Variants in SFMBT1 observed in about 807,000 individuals in gnomAD.
The protein encoded by SFMBT1 is Scm like with four mbt domains 1, also known as scm-like with four MBT domains protein 1.
SFMBT1 carries 32 observed loss-of-function variants against 108.7 expected under a neutral mutation model. The observed-to-expected ratio is 0.29, with a 90% CI of 0.22 to 0.40. SFMBT1 has a LOEUF of 0.40. Among genes scored for constraint, SFMBT1 ranks in the 10% least tolerant of loss-of-function variants. SFMBT1 has a pLI of 1.00. For synonymous variants in SFMBT1, 348 were observed against 369.5 expected, an observed-to-expected ratio of 0.94 and a Z score of 0.67; for missense variants, 816 against 1,059.6, an observed-to-expected ratio of 0.77 and a Z score of 3.19.
rs754906047 is a variant in SFMBT1 at position 52,907,365 on chromosome 3, G to A, written c.2086-51C>T. 8 of 1,556,192 alleles carry A rather than the reference G, an allele frequency of 5.1e-6. No individual in the cohort carries two copies. The South Asian group carries it at 9.7e-5, about 19-fold the overall frequency. ...TTGAAATTCAGGACATCAATCCCAG[G>A]TTTCATATGATTAAAAAAAAATAAT... On this transcript the variant is annotated intron_variant, in intron 18 of 20. Coordinates refer to ENST00000394752, the MANE Select transcript of SFMBT1 (RefSeq NM_016329.4).
intron 17 of SFMBT1, among the ~76,000 whole-genome samples, chr3:52,908,598 A>G (rs1477869367): frequency 6.6e-6 from 1 of 151,848 alleles, no homozygotes; most frequent in Non-Finnish European, 1.5e-5. Context: ...TTTTTGAGAC[A>G]GAGTCTGTCA....
chr3:53,003,202 CA>C (rs915621510), intron 1 of SFMBT1, among the ~76,000 whole-genome samples: 2 of 142,724 alleles, frequency 1.4e-5, no homozygotes, highest in Admixed American at 7.2e-5. Context: ...ATTCCAATTT[CA>C]AAAGAAAAAC....
chr3:53,033,026 G>C (rs907674090), intron 1 of SFMBT1, among the ~76,000 whole-genome samples: 1 of 152,128 alleles, frequency 6.6e-6, no homozygotes, highest in Non-Finnish European at 1.5e-5. Flanking sequence ...AGTATTTATG[G>C]GCCAGGTGCA....
intron 1 of SFMBT1, among the ~76,000 whole-genome samples, chr3:53,027,668 G>A (rs188418290): frequency 6.6e-6 from 1 of 152,298 alleles, no homozygotes; most frequent in East Asian, 1.9e-4. Flanking sequence ...GTGCACATGG[G>A]CCAATCAGGC....
intron 1 of SFMBT1, among the ~76,000 whole-genome samples, chr3:52,987,652 G>A (rs1704974068): frequency 6.6e-6 from 1 of 152,146 alleles, no homozygotes; most frequent in African/African-American, 2.4e-5. Flanking sequence ...ATAATTGTGA[G>A]GTATGTCTTA....
intron 14 of SFMBT1, 37 bp from the exon 15 acceptor site, chr3:52,913,654 A>T: frequency 6.2e-7 from 1 of 1,606,432 alleles, no homozygotes; most frequent in Non-Finnish European, 8.5e-7. Flanking sequence ...CAAAACAGTC[A>T]TTCTCTACCC....
At chr3:53,028,686 TA>T (rs199740352) in intron 1 of SFMBT1, among the ~76,000 whole-genome samples, 1 of 151,254 alleles carries the variant, frequency 6.6e-6, no homozygotes, top group African/African-American at 2.4e-5. Context: ...GACCCCATCT[TA>T]AAAAAAAATT....
intron 1 of SFMBT1, among the ~76,000 whole-genome samples, chr3:52,995,142 A>G (rs1698279284): frequency 6.7e-6 from 1 of 149,426 alleles, no homozygotes; most frequent in Admixed American, 6.8e-5. Flanking sequence ...GGAGAGGCAT[A>G]CGATATTCAC....
chr3:53,042,100 T>C (rs1027401357), intron 1 of SFMBT1, among the ~76,000 whole-genome samples: 12 of 152,210 alleles, frequency 7.9e-5, no homozygotes, highest in African/African-American at 2.9e-4. Flanking sequence ...ATGTAAAATG[T>C]CTGCCTAAAT....
chr3:52,905,014 G>A lies in SFMBT1; in HGVS notation c.*122C>T. On this transcript the variant is annotated 3_prime_UTR_variant, in exon 21 of 21. Coordinates refer to ENST00000394752, the MANE Select transcript of SFMBT1 (RefSeq NM_016329.4). The stretch of plus-strand genomic sequence containing the variant: ...AGTCCTCCTTCCCCGAAAGTGCAAA[G>A]AGAGCAAGCTGATACCTGCAGGCCC... 7.4e-7 allele frequency: 1 copy of A among 1,357,566 alleles called. No homozygotes were observed. Among genetic ancestry groups the A allele is most frequent in the Non-Finnish European group, 9.9e-7 (1 of 1,011,216 alleles). The allele number at this position is 1,357,566 out of a possible 1,614,324, so 84.1% of individuals were successfully genotyped here. A position where few individuals can be genotyped will look rare whatever the true frequency, so the allele number is the denominator to read the frequency against.
At chr3:52,941,617 A>AAAAAG (rs55832866) in intron 4 of SFMBT1, among the ~76,000 whole-genome samples, 7 of 146,282 alleles carry the variant, frequency 4.8e-5, no homozygotes, top group Middle Eastern at 3.2e-3. Context: ...AAAAAAAAAA[A>AAAAAG]GTTATTGGGC....
intron 1 of SFMBT1, among the ~76,000 whole-genome samples, chr3:53,008,915 G>A (rs181371248): frequency 5.3e-5 from 8 of 151,836 alleles, no homozygotes; most frequent in Admixed American, 2.0e-4. Flanking sequence ...GATTACAGGC[G>A]TGAGCCACCG....
intron 1 of SFMBT1, among the ~76,000 whole-genome samples, chr3:52,994,560 G>C (rs1453505048): frequency 1.3e-5 from 2 of 150,322 alleles, no homozygotes; most frequent in South Asian, 2.1e-4. Flanking sequence ...AATGCAGTGG[G>C]GCCATCTTGG....
intron 1 of SFMBT1, among the ~76,000 whole-genome samples, chr3:53,015,709 C>T (rs1462275083): frequency 3.3e-5 from 5 of 152,142 alleles, no homozygotes; most frequent in Non-Finnish European, 5.9e-5. Flanking sequence ...ATATCATTTA[C>T]ACAAAATGTC....
rs1702840793 is a variant in SFMBT1, at chr3:52,930,968, T to C, written c.768A>G (p.Glu256=). 6.2e-7 allele frequency: 1 copy of C among 1,614,034 alleles called. No individual in the cohort carries two copies. Among genetic ancestry groups the C allele is most frequent in the Non-Finnish European group, 8.5e-7 (1 of 1,179,914 alleles). Residue 256 remains glutamate, a synonymous_variant, in exon 7 of 21, where the codon GAA becomes GAG. Coordinates refer to ENST00000394752, the MANE Select transcript of SFMBT1 (RefSeq NM_016329.4). Reference sequence around the variant, plus strand: ...TAAATAAGTAAGATGGTAATGGCTCTTCCTCTTCCTCTTTCACTTTGGCCA... The same window carrying C: ...TAAATAAGTAAGATGGTAATGGCTCCTCCTCTTCCTCTTTCACTTTGGCCA... ...EILAKVKEEE[E]EPLPSYLFKD... is the part of the protein sequence containing the mutation.
At chr3:52,943,993 T>C (rs1055286465) in intron 3 of SFMBT1, among the ~76,000 whole-genome samples, 6 of 152,218 alleles carry the variant, frequency 3.9e-5, no homozygotes, top group African/African-American at 1.4e-4. Context: ...TGATAATAAA[T>C]TAGTACAATA....
chr3:52,998,794 C>T (rs765313270), intron 1 of SFMBT1, among the ~76,000 whole-genome samples: 20 of 150,662 alleles, frequency 1.3e-4, no homozygotes, highest in African/African-American at 4.4e-4. Flanking sequence ...GGAGCTGGTG[C>T]TGCCGATCGA....
rs902978211 is a variant in SFMBT1, at chr3:53,019,488, G to A, written c.-131+26328C>T. On this transcript the variant is annotated intron_variant, in intron 1 of 20. Transcript: ENST00000394752. ...TGGAATTTCCATTTTAATGTTACAT[G>A]GGCAACCAAAACTTTTTCCTTCTCA... is the stretch of plus-strand genomic sequence containing the variant. Among the ~76,000 whole-genome samples, 6 of 151,940 alleles carry A rather than the reference G, an allele frequency of 3.9e-5. No individual in the cohort carries two copies. The South Asian group carries it at 1.2e-3, about 32-fold the overall frequency.
chr3:52,928,807 G>A (rs1220148417), intron 8 of SFMBT1, among the ~76,000 whole-genome samples: 1 of 151,164 alleles, frequency 6.6e-6, no homozygotes, highest in Admixed American at 6.6e-5. Context: ...GGGCTCAGTT[G>A]ATCCTCCCAC....
Sources: allele counts gnomAD v4.1 joint callset (sites outside exome capture counted in the v4.1 genomes callset), GRCh38; gene constraint gnomAD v4.1.1; transcripts MANE v1.5; gene names NCBI Gene and HGNC (gene_info 2026-07-23, HGNC 2026-07-21).